The following PEX14 variants were observed in gnomAD, a reference collection of about 807,000 sequenced individuals.
PEX14 encodes peroxisomal membrane protein PEX14.
In PEX14, 15 loss-of-function variants were observed where a neutral mutation model predicts 49.5. That is an observed-to-expected ratio of 0.30 (90% CI 0.20 to 0.47). PEX14 has a LOEUF of 0.47. Ranked by LOEUF, PEX14 falls within the 20% of genes least tolerant of loss-of-function variation. The probability of loss-of-function intolerance (pLI) is 1.00; values close to 1 mark genes in which losing one functional copy is unlikely to be tolerated. For missense variants in PEX14, 398 were observed against 494.8 expected (o/e 0.80, Z 1.86); for synonymous variants, 210 against 212.7 (o/e 0.99, Z 0.11).
At chr1:10,561,013 G>A (rs1054973179) in intron 3 of PEX14, among the ~76,000 whole-genome samples, 4 of 152,098 alleles carry the variant, frequency 2.6e-5, no homozygotes, top group South Asian at 2.1e-4. Context: ...CACTGTGCCT[G>A]GCCCATTTTG....
intron 3 of PEX14, among the ~76,000 whole-genome samples, chr1:10,553,365 G>A (rs1639389744): frequency 6.6e-6 from 1 of 152,166 alleles, no homozygotes. Context: ...AAGAGAGAAG[G>A]CCCAGAGGGA....
chr1:10,543,290 G>A lies in PEX14; in HGVS notation c.169+6993G>A, dbSNP rs113692787. 5.9e-3 allele frequency among the ~76,000 whole-genome samples: 889 copies of A among 151,834 alleles called. 7 individuals carry two copies. Among genetic ancestry groups the A allele is most frequent in the African/African-American group, 0.02 (835 of 41,442 alleles). On this transcript the variant is annotated intron_variant, in intron 3 of 8. Transcript: ENST00000356607. Reference sequence around the variant, plus strand: ...ACTGGGATTACAGGGGCCTGCCACCGCACCCAGCTAATTTTTGTAGTTTTT... The same window carrying A: ...ACTGGGATTACAGGGGCCTGCCACCACACCCAGCTAATTTTTGTAGTTTTT...
At chr1:10,599,101 A>T in intron 3 of PEX14, 137 bp from the exon 4 acceptor site, 1 of 835,508 alleles carries the variant, frequency 1.2e-6, no homozygotes, top group Non-Finnish European at 2.1e-6. Flanking sequence ...GTTCCGGAGA[A>T]TCTGAAATCG....
rs1333675733 is a variant in PEX14, at chr1:10,623,582, C to T, written c.487+461C>T. On this transcript the variant is annotated intron_variant, in intron 6 of 8. Transcript: ENST00000356607. This position sits in a 1 kb window ranked among gnomAD's most constrained non-coding sequence, Gnocchi z 4.4. ...GGGCTCGCGTTCATTACCCAGTGCC[C>T]CAGCGATGGCCCAGATTAGCTGGGA... 6.6e-6 allele frequency among the ~76,000 whole-genome samples: 1 copy of T among 152,150 alleles called. No homozygotes were observed. Among genetic ancestry groups the T allele is most frequent in the African/African-American group, 2.4e-5 (1 of 41,428 alleles).
At chr1:10,578,974 T>C (rs1411209140) in intron 3 of PEX14, among the ~76,000 whole-genome samples, 1 of 152,106 alleles carries the variant, frequency 6.6e-6, no homozygotes, top group East Asian at 1.9e-4. Flanking sequence ...GTGACAGCAG[T>C]ACTCCCAAAA....
At chr1:10,588,688 C>T (rs533378616) in intron 3 of PEX14, among the ~76,000 whole-genome samples, 1 of 152,224 alleles carries the variant, frequency 6.6e-6, no homozygotes, top group South Asian at 2.1e-4. Context: ...TCATGGTGAT[C>T]AGATCGATGG....
chr1:10,507,192 C>T (rs1641798682), intron 2 of PEX14, among the ~76,000 whole-genome samples: 1 of 152,266 alleles, frequency 6.6e-6, no homozygotes, highest in Non-Finnish European at 1.5e-5. Flanking sequence ...ATTCAAGTTC[C>T]TACAGCTAAG....
chr1:10,591,271 A>G (rs964887520), intron 3 of PEX14, among the ~76,000 whole-genome samples: 1 of 152,218 alleles, frequency 6.6e-6, no homozygotes. Context: ...GCCACCTTGT[A>G]CTTGGCTGCT....
chr1:10,591,934 C>T (rs867270474), intron 3 of PEX14, among the ~76,000 whole-genome samples: 2 of 152,060 alleles, frequency 1.3e-5, no homozygotes, highest in African/African-American at 4.8e-5. Context: ...TCTCTCTGTC[C>T]CTTTTTCTTG....
rs1445990670 is a variant in PEX14, at chr1:10,630,176, C to G, written c.*189C>G. On this transcript the variant is annotated 3_prime_UTR_variant, in exon 9 of 9. Coordinates refer to ENST00000356607, the MANE Select transcript of PEX14 (RefSeq NM_004565.3). The surrounding 1 kb of genome is among the most constrained non-coding windows in gnomAD (Gnocchi z 4.1). Reference sequence around the variant, plus strand: ...CTTCTGTCCACCTGGCCTCCTCTCGCCTGGCCGCCAGCCCCAGCCCCAGCC... The same window carrying G: ...CTTCTGTCCACCTGGCCTCCTCTCGGCTGGCCGCCAGCCCCAGCCCCAGCC... 3.3e-6 allele frequency: 3 copies of G among 911,592 alleles called. No individual in the cohort carries two copies. The highest frequency in any genetic ancestry group is 4.8e-6 in the Non-Finnish European group (3 of 619,432). 56.5% of individuals were successfully genotyped at this position (911,592 alleles called of 1,614,324 possible). A position where few individuals can be genotyped will look rare whatever the true frequency, so the allele number is the denominator to read the frequency against.
chr1:10,480,030 TA>T (rs1641256450), intron 1 of PEX14, among the ~76,000 whole-genome samples: 1 of 151,884 alleles, frequency 6.6e-6, no homozygotes, highest in Admixed American at 6.6e-5. Context: ...ATAAATAAAA[TA>T]AAAAATAATT....
chr1:10,618,734 G>A (rs960861728), intron 5 of PEX14, among the ~76,000 whole-genome samples: 4 of 152,228 alleles, frequency 2.6e-5, no homozygotes, highest in African/African-American at 9.6e-5. Flanking sequence ...GCACGGGGAA[G>A]CCGTGCGAGC....
At chr1:10,519,184 C>T (rs1355969885) in intron 2 of PEX14, among the ~76,000 whole-genome samples, 1 of 152,102 alleles carries the variant, frequency 6.6e-6, no homozygotes, top group Non-Finnish European at 1.5e-5. Context: ...CTCCCCTCCT[C>T]AGCCCAGCCG....
chr1:10,593,490 A>C (rs1461319445), intron 3 of PEX14, among the ~76,000 whole-genome samples: 2 of 152,146 alleles, frequency 1.3e-5, no homozygotes, highest in Non-Finnish European at 2.9e-5. Flanking sequence ...ATCAATATTA[A>C]GATGATGGGA....
chr1:10,546,800 C>G (rs1033512556), intron 3 of PEX14, among the ~76,000 whole-genome samples: 1 of 151,100 alleles, frequency 6.6e-6, no homozygotes, highest in Non-Finnish European at 1.5e-5. Flanking sequence ...ACCCGGGAGG[C>G]GGAGGTTGCA....
intron 3 of PEX14, among the ~76,000 whole-genome samples, chr1:10,562,343 A>C (rs1293340728): frequency 2.0e-5 from 3 of 152,258 alleles, no homozygotes; most frequent in African/African-American, 7.2e-5. Flanking sequence ...AGTTGTCCTA[A>C]TAATGCCCTT....
At position 10,623,142 on chromosome 1, in the gene PEX14, C is replaced by T. The variant is rs1168108323; in HGVS notation, c.487+21C>T. 1 of 1,522,732 alleles carries T rather than the reference C, an allele frequency of 6.6e-7. No homozygotes were observed. The highest frequency in any genetic ancestry group is 1.1e-5 in the South Asian group (1 of 88,080). 94.3% of individuals were successfully genotyped at this position (1,522,732 alleles called of 1,614,324 possible). A position where few individuals can be genotyped will look rare whatever the true frequency, so the allele number is the denominator to read the frequency against. On this transcript the variant is annotated intron_variant, in intron 6 of 8. Coordinates refer to ENST00000356607, the MANE Select transcript of PEX14 (RefSeq NM_004565.3). The surrounding 1 kb of genome is among the most constrained non-coding windows in gnomAD (Gnocchi z 4.4). The stretch of plus-strand genomic sequence containing the variant: ...GACAGGTAAAGATTAATGACTCCAT[C>T]AAGTCACCCCTCACAGCCTTCTCCA...
At chr1:10,509,506 C>A (rs1022916585) in intron 2 of PEX14, among the ~76,000 whole-genome samples, 10 of 152,006 alleles carry the variant, frequency 6.6e-5, no homozygotes, top group Non-Finnish European at 8.8e-5. Flanking sequence ...AACTTCAGTT[C>A]CAGTGAAATC....
At chr1:10,520,519 A>G (rs1237171226) in intron 2 of PEX14, among the ~76,000 whole-genome samples, 1 of 152,112 alleles carries the variant, frequency 6.6e-6, no homozygotes, top group Admixed American at 6.5e-5. Flanking sequence ...TGATTTGAAT[A>G]TTAACATAAA....
Sources: allele counts gnomAD v4.1 joint callset (sites outside exome capture counted in the v4.1 genomes callset), GRCh38; gene constraint gnomAD v4.1.1; non-coding constraint Gnocchi (gnomAD v3.1); transcripts MANE v1.5; gene names NCBI Gene and HGNC (gene_info 2026-07-23, HGNC 2026-07-21).